The following IFITM10 variants were observed in gnomAD, a reference collection of about 807,000 sequenced individuals.
The protein encoded by IFITM10 is interferon-induced transmembrane protein 10.
A neutral mutation model predicts 19.0 loss-of-function variants in IFITM10; 17 were observed. The observed-to-expected ratio is 0.90, with a 90% confidence interval of 0.61 to 1.34. The LOEUF (loss-of-function observed/expected upper bound fraction) is 1.34, where lower values mean the gene tolerates loss of function less well. IFITM10 is among the 40% of genes most tolerant of loss of function. The pLI is 0.00. For synonymous variants in IFITM10, 148 were observed against 147.2 expected (o/e 1.01, Z -0.04); for missense variants, 306 against 319.8 (o/e 0.96, Z 0.33).
intron 2 of IFITM10, among the ~76,000 whole-genome samples, chr11:1,742,011 G>T (rs1175118023): frequency 6.6e-6 from 1 of 152,192 alleles, no homozygotes; most frequent in African/African-American, 2.4e-5. Context: ...CGAGCCTCCG[G>T]AACAGTGAGA....
rs764956534 is a variant in IFITM10, at chr11:1,747,838, G to A, written c.366C>T (p.Pro122=). The change falls in exon 2 of 3, where the codon CCC becomes CCT. Residue 122 remains proline (P), a synonymous_variant. Coordinates refer to ENST00000340134, the MANE Select transcript of IFITM10 (RefSeq NM_001170820.4). ...KTDSVRAAGA[P]PACKHLAEKK... is the part of the protein sequence containing the mutation. ...TCTCGGCTAGGTGCTTGCAGGCAGG[G>A]GGCGCGCCGGCAGCCCGCACGCTGT... 1.9e-6 allele frequency: 3 copies of A among 1,546,594 alleles called. No individual in the cohort carries two copies. In the African/African-American group the frequency reaches 4.1e-5, roughly 21 times the overall value.
At chr11:1,747,340 G>A (rs1331474342) in intron 2 of IFITM10, among the ~76,000 whole-genome samples, 2 of 152,088 alleles carry the variant, frequency 1.3e-5, no homozygotes, top group East Asian at 3.9e-4. Flanking sequence ...TGTCCCCTGA[G>A]CCTGAGCAAC....
At chr11:1,749,195 T>A in intron 1 of IFITM10, 1 of 704,684 alleles carries the variant, frequency 1.4e-6, no homozygotes, top group Non-Finnish European at 1.7e-6. Flanking sequence ...CTGCGCTCCC[T>A]CCGCAGCGCC....
At chr11:1,746,015 AC>A (rs1845641678) in intron 2 of IFITM10, 1 of 151,064 alleles carries the variant, frequency 6.6e-6, no homozygotes, top group Non-Finnish European at 1.5e-5. Context: ...TACAGACAGT[AC>A]ACAGGCACAC....
chr11:1,739,366 G>A (rs1851121165), intron 2 of IFITM10, among the ~76,000 whole-genome samples: 1 of 152,162 alleles, frequency 6.6e-6, no homozygotes, highest in African/African-American at 2.4e-5. Flanking sequence ...TAGACCACTG[G>A]ATGGTAGATG....
At chr11:1,744,664 C>T (rs1381677568) in intron 2 of IFITM10, 4 of 152,284 alleles carry the variant, frequency 2.6e-5, no homozygotes, top group Admixed American at 6.5e-5. Context: ...GATGGCTGGA[C>T]GGGTGGATGG....
chr11:1,749,638 GTCCC>G (rs1197750105), intron 1 of IFITM10, among the ~76,000 whole-genome samples: 2 of 151,664 alleles, frequency 1.3e-5, no homozygotes, highest in East Asian at 3.9e-4. Context: ...CAGCAGCTCA[GTCCC>G]CTCCTGACGA....
intron 2 of IFITM10, among the ~76,000 whole-genome samples, chr11:1,742,357 G>T (rs1228110241): frequency 6.6e-6 from 1 of 151,944 alleles, no homozygotes; most frequent in African/African-American, 2.4e-5. Context: ...GAAAGGAAAA[G>T]AAAAAAATGA....
intron 2 of IFITM10, among the ~76,000 whole-genome samples, chr11:1,743,022 A>G (rs1590896934): frequency 6.9e-6 from 1 of 144,622 alleles, no homozygotes; most frequent in African/African-American, 2.6e-5. Context: ...GGATGGATGG[A>G]TTGAGGGTGG....
chr11:1,739,109 A>G (rs1453766891), intron 2 of IFITM10, among the ~76,000 whole-genome samples: 1 of 150,950 alleles, frequency 6.6e-6, no homozygotes, highest in African/African-American at 2.4e-5. Flanking sequence ...GTTTGAATGA[A>G]TGGACAGGTG....
chr11:1,739,537 C>T (rs537011995), intron 2 of IFITM10, among the ~76,000 whole-genome samples: 18 of 152,244 alleles, frequency 1.2e-4, no homozygotes, highest in African/African-American at 2.9e-4. Flanking sequence ...AAAATAAACA[C>T]GATAAATAAG....
chr11:1,749,823 T>C (rs1347556933), intron 1 of IFITM10, among the ~76,000 whole-genome samples: 5 of 152,036 alleles, frequency 3.3e-5, no homozygotes, highest in Non-Finnish European at 7.4e-5. Flanking sequence ...ACTCTGTTCC[T>C]TCCTGGCTGA....
intron 2 of IFITM10, among the ~76,000 whole-genome samples, chr11:1,743,517 A>G (rs1337365502): frequency 6.6e-6 from 1 of 151,914 alleles, no homozygotes; most frequent in African/African-American, 2.4e-5. Context: ...GGATGGATGG[A>G]AGATGGATGA....
chr11:1,732,497 G>A lies in IFITM10; in HGVS notation c.*2783C>T, dbSNP rs1456363724. On this transcript the variant is annotated 3_prime_UTR_variant, in exon 3 of 3. Coordinates refer to ENST00000340134, the MANE Select transcript of IFITM10 (RefSeq NM_001170820.4). Reference sequence around the variant, plus strand: ...ATAAAAATGAGGTGGGAGGAGTGCAGTGGACAGGGAGCGCCAGCAGGTCAG... The same window carrying A: ...ATAAAAATGAGGTGGGAGGAGTGCAATGGACAGGGAGCGCCAGCAGGTCAG... The A allele has an allele frequency of 6.6e-6, 1 of 152,466 alleles. No individual in the cohort carries two copies. Among genetic ancestry groups the A allele is most frequent in the Non-Finnish European group, 1.5e-5 (1 of 68,148 alleles). 9.4% of individuals were successfully genotyped at this position (152,466 alleles called of 1,614,324 possible).
intron 2 of IFITM10, among the ~76,000 whole-genome samples, chr11:1,739,437 G>A (rs1210915222): frequency 2.0e-5 from 3 of 152,220 alleles, no homozygotes; most frequent in Non-Finnish European, 4.4e-5. Flanking sequence ...TCTGCTCTGA[G>A]TAGTTGCTGT....
rs546328776 is a variant in IFITM10 at position 1,741,969 on chromosome 11, C to G, written c.537+5698G>C. On this transcript the variant is annotated intron_variant, in intron 2 of 2. Coordinates refer to ENST00000340134, the MANE Select transcript of IFITM10 (RefSeq NM_001170820.4). ...ACCCAGAAGAGGGTCCTGATCAGAA[C>G]CTGACTATGCTGGCACCCTGATCTC... is the stretch of plus-strand genomic sequence containing the variant. 4.6e-5 allele frequency among the ~76,000 whole-genome samples: 7 copies of G among 152,298 alleles called. No homozygotes were observed. The South Asian group carries it at 1.5e-3, about 32-fold the overall frequency.
chr11:1,735,388 C>T lies in IFITM10; in HGVS notation c.579G>A (p.Val193=), dbSNP rs1851075832. ...ACAGCCGGGCCGTCTTTGCATCCTCCACGGCTCCATTCAGGTCATTGAGAA... is the reference window on the plus strand; with the variant it reads ...ACAGCCGGGCCGTCTTTGCATCCTCTACGGCTCCATTCAGGTCATTGAGAA... ...KKLLNDLNGA[V]EDAKTARLFN... Residue 193 remains valine (V), a synonymous_variant, in exon 3 of 3, where the codon GTG becomes GTA. Coordinates refer to ENST00000340134, the MANE Select transcript of IFITM10 (RefSeq NM_001170820.4). 3 of 1,551,598 alleles carry T rather than the reference C, an allele frequency of 1.9e-6. No individual in the cohort carries two copies. The highest frequency in any genetic ancestry group is 2.0e-5 in the Admixed American group (1 of 50,980).
At chr11:1,744,505 T>C (rs1052112400) in intron 2 of IFITM10, 1 of 152,948 alleles carries the variant, frequency 6.5e-6, no homozygotes, top group African/African-American at 2.4e-5. Flanking sequence ...CAGGAGACAG[T>C]GTGTGGAGGC....
intron 2 of IFITM10, chr11:1,746,035 CTT>C (rs1265559990): frequency 4.6e-5 from 7 of 152,500 alleles, no homozygotes; most frequent in African/African-American, 1.7e-4. Flanking sequence ...ACCCCACACA[CTT>C]GTGCACACAC....
Sources: allele counts gnomAD v4.1 joint callset (sites outside exome capture counted in the v4.1 genomes callset), GRCh38; gene constraint gnomAD v4.1.1; transcripts MANE v1.5; gene names NCBI Gene and HGNC (gene_info 2026-07-23, HGNC 2026-07-21).